Variants in GTF2IRD1 observed in about 807,000 individuals in gnomAD.
GTF2IRD1 encodes general transcription factor II-I repeat domain-containing protein 1.
Under a neutral mutation model 113.2 loss-of-function variants are expected in GTF2IRD1, and 26 were observed. That is an observed-to-expected ratio of 0.23 (90% CI 0.17 to 0.32). The LOEUF (loss-of-function observed/expected upper bound fraction) is 0.32. Ranked by LOEUF, GTF2IRD1 falls within the 10% of genes least tolerant of loss-of-function variation. The pLI is 1.00. For missense variants in GTF2IRD1, 864 were observed against 1,280.8 expected (o/e 0.67, Z 4.97); for synonymous variants, 484 against 529.1 (o/e 0.91, Z 1.17).
intron 22 of GTF2IRD1, among the ~76,000 whole-genome samples, chr7:74,575,076 GCGAAACTC>G (rs1294067231): frequency 1.4e-5 from 2 of 142,748 alleles, no homozygotes; most frequent in African/African-American, 5.3e-5. Flanking sequence ...GGCAACAAGA[GCGAAACTC>G]CGTCTCAAAA....
At chr7:74,473,312 G>A (rs527840788) in intron 1 of GTF2IRD1, among the ~76,000 whole-genome samples, 21 of 152,332 alleles carry the variant, frequency 1.4e-4, no homozygotes, top group East Asian at 3.9e-4. Flanking sequence ...TCTCAGGGAC[G>A]TAGTCCCGCC....
At chr7:74,466,148 C>T (rs1793691768) in intron 1 of GTF2IRD1, among the ~76,000 whole-genome samples, 1 of 152,200 alleles carries the variant, frequency 6.6e-6, no homozygotes, top group African/African-American at 2.4e-5. Flanking sequence ...GCCTGCCGAC[C>T]CCTTAGCCCC....
chr7:74,485,945 A>G (rs1794998639), intron 1 of GTF2IRD1, among the ~76,000 whole-genome samples: 1 of 151,752 alleles, frequency 6.6e-6, no homozygotes, highest in Admixed American at 6.6e-5. Flanking sequence ...AGAAGAAGAA[A>G]GAAAAGAAAA....
In GTF2IRD1 at chr7:74,601,570, T is replaced by C. The variant is rs184601120; in HGVS notation, c.2766+390T>C. 1,091 of 1,007,112 alleles carry C rather than the reference T, an allele frequency of 1.1e-3. 12 individuals are homozygous for C. In the African/African-American group the frequency reaches 0.016, roughly 15 times the overall value. The allele number at this position is 1,007,112 out of a possible 1,614,324, so 62.4% of individuals were successfully genotyped here. A position where few individuals can be genotyped will look rare whatever the true frequency, so the allele number is the denominator to read the frequency against. On this transcript the variant is annotated intron_variant, in intron 26 of 26. Coordinates refer to ENST00000424337, the MANE Select transcript of GTF2IRD1 (RefSeq NM_005685.4). Reference sequence around the variant, plus strand: ...GGTGGATCACCTGAGGTCAGGAGTTTGAGACCAGGCTGACCAACACGGGGA... The same window carrying C: ...GGTGGATCACCTGAGGTCAGGAGTTCGAGACCAGGCTGACCAACACGGGGA...
At position 74,542,093 on chromosome 7, in the gene GTF2IRD1, C is replaced by T. The variant is rs113813845; in HGVS notation, c.1618+2125C>T. ...TCTGGGTGCCACAGCAAGACACCATCTCAAAAAAAAAAAACAAAAATAGGC... is the reference window on the plus strand; with the variant it reads ...TCTGGGTGCCACAGCAAGACACCATTTCAAAAAAAAAAAACAAAAATAGGC... On this transcript the variant is annotated intron_variant, in intron 14 of 26. Transcript: ENST00000424337. Among the ~76,000 whole-genome samples the T allele has an allele frequency of 2.4e-4, 36 of 148,502 alleles. 1 individual carries two copies. The highest frequency in any genetic ancestry group is 7.9e-4 in the African/African-American group (32 of 40,428).
intron 19 of GTF2IRD1, among the ~76,000 whole-genome samples, chr7:74,556,790 A>ATTTTTTTTT (rs587648610): frequency 6.0e-4 from 79 of 132,706 alleles, no homozygotes; most frequent in Non-Finnish European, 7.5e-4. Context: ...TGCCTGGCTA[A>ATTTTTTTTT]TTTTTGTATT....
Position 74,518,212 on chromosome 7 carries a change from C to T in GTF2IRD1, c.495C>T (p.Ala165=), listed in dbSNP as rs782037332. ...TGCTCAGGGAGCCAGGGCTGCTGGCCGTGCAGGGGCTGCCCGAAGGCCTGG... is the reference window on the plus strand; with the variant it reads ...TGCTCAGGGAGCCAGGGCTGCTGGCTGTGCAGGGGCTGCCCGAAGGCCTGG... The part of the protein sequence containing the change: ...ERLLREPGLL[A]VQGLPEGLAF... Residue 165 remains alanine, a synonymous_variant, in exon 5 of 27, where the codon GCC becomes GCT. Coordinates refer to ENST00000424337, the MANE Select transcript of GTF2IRD1 (RefSeq NM_005685.4). 13 of 1,611,004 alleles carry T rather than the reference C, an allele frequency of 8.1e-6. No individual in the cohort carries two copies. Among genetic ancestry groups the T allele is most frequent in the African/African-American group, 2.7e-5 (2 of 74,900 alleles).
chr7:74,500,439 GAA>G, intron 1 of GTF2IRD1, among the ~76,000 whole-genome samples: 1 of 149,030 alleles, frequency 6.7e-6, no homozygotes, highest in African/African-American at 2.5e-5. Context: ...AAAAAAAAAA[GAA>G]AAAAAATTTG....
intron 7 of GTF2IRD1, among the ~76,000 whole-genome samples, chr7:74,522,659 G>A (rs1295441306): frequency 1.3e-5 from 2 of 152,212 alleles, no homozygotes; most frequent in African/African-American, 4.8e-5. Flanking sequence ...GAGGAGATGT[G>A]AATGTCCAGA....
chr7:74,476,117 G>A (rs1794390968), intron 1 of GTF2IRD1, among the ~76,000 whole-genome samples: 1 of 152,182 alleles, frequency 6.6e-6, no homozygotes, highest in African/African-American at 2.4e-5. Context: ...CTATTTTGCA[G>A]TTGGATGGTG....
chr7:74,528,842 G>GATGGATGA (rs1797773006), intron 8 of GTF2IRD1, among the ~76,000 whole-genome samples: 2 of 146,268 alleles, frequency 1.4e-5, no homozygotes, highest in African/African-American at 5.1e-5. Context: ...TGGATGGATG[G>GATGGATGA]ATGAAAGGAT....
At chr7:74,549,261 C>T (rs1554354235) in intron 17 of GTF2IRD1, among the ~76,000 whole-genome samples, 3 of 150,228 alleles carry the variant, frequency 2.0e-5, no homozygotes. Flanking sequence ...TGAGATCGTA[C>T]CACGACACTC....
chr7:74,509,122 C>T (rs1796472138), intron 2 of GTF2IRD1, among the ~76,000 whole-genome samples: 2 of 151,986 alleles, frequency 1.3e-5, no homozygotes, highest in South Asian at 2.1e-4. Context: ...TTTTAGGGGC[C>T]GAGGCGGGTG....
intron 16 of GTF2IRD1, among the ~76,000 whole-genome samples, chr7:74,546,244 C>T (rs146417782): frequency 0.074 from 8,641 of 117,510 alleles, 352 homozygotes; most frequent in Admixed American, 0.11. Context: ...TTTTTTGAGG[C>T]GGAGTCTCAC....
intron 24 of GTF2IRD1, among the ~76,000 whole-genome samples, 170 bp from the exon 25 acceptor site, chr7:74,594,844 C>G (rs1235445926): frequency 6.6e-6 from 1 of 151,628 alleles, no homozygotes; most frequent in African/African-American, 2.4e-5. Flanking sequence ...CCCAGCTACT[C>G]GGGAGGCTGA....
intron 8 of GTF2IRD1, among the ~76,000 whole-genome samples, chr7:74,528,732 TG>T (rs1210870846): frequency 7.4e-6 from 1 of 134,244 alleles, no homozygotes; most frequent in Non-Finnish European, 1.6e-5. Context: ...GATGGATGGA[TG>T]GATGGATGGA....
rs35170472 is a variant in GTF2IRD1, at chr7:74,579,620, GAA to G, written c.2321-10216_2321-10215del. Among the ~76,000 whole-genome samples, 208 of 134,390 alleles carry G rather than the reference GAA, an allele frequency of 1.5e-3. 1 individual carries two copies. The highest frequency in any genetic ancestry group is 0.01 in the South Asian group (42 of 4,054). The allele number at this position is 134,390 out of a possible 152,430, so 88.2% of individuals were successfully genotyped here. Reference sequence around the variant, plus strand: ...GCGACAGAGCAAGACTCCATCTTAAGAAAAAAAAAAAAAAAACTACAGTTCCC... The same window carrying G: ...GCGACAGAGCAAGACTCCATCTTAAGAAAAAAAAAAAAAACTACAGTTCCC... On this transcript the variant is annotated intron_variant, in intron 22 of 26. Transcript: ENST00000424337.
chr7:74,597,338 G>A (rs1264636787), intron 25 of GTF2IRD1, among the ~76,000 whole-genome samples: 1 of 148,056 alleles, frequency 6.8e-6, no homozygotes. Context: ...CACTGCTACC[G>A]GCCTTTTTTT....
Position 74,544,761 on chromosome 7 carries a change from G to A in GTF2IRD1, c.1625G>A (p.Gly542Asp), listed in dbSNP as rs1554352711. Residue 542 changes from glycine to aspartate, a missense_variant, in exon 15 of 27, where the codon GGT becomes GAT. Around this residue, in one of 7 missense-constraint regions of GTF2IRD1, gnomAD observed 218 missense variants for 352.6 expected, o/e 0.62. Coordinates refer to ENST00000424337, the MANE Select transcript of GTF2IRD1 (RefSeq NM_005685.4). ...GYGMEMLTDK[G>D]LSEDARPEER... The stretch of plus-strand genomic sequence containing the variant: ...ATCCTCTGTTCTCTTTTAGACAAAG[G>A]TCTGAGTGAGGACGCGCGGCCCGAG... 1.2e-6 allele frequency: 2 copies of A among 1,613,958 alleles called. No individual in the cohort carries two copies. Among genetic ancestry groups the A allele is most frequent in the Admixed American group, 1.7e-5 (1 of 60,022 alleles).
Sources: gnomAD v4.1 joint callset for allele counts (sites outside exome capture counted in the v4.1 genomes callset) on GRCh38, gnomAD v4.1.1 for gene constraint, gnomAD v4.1.1 regional missense constraint, MANE v1.5 for transcripts, NCBI Gene and HGNC (gene_info 2026-07-23, HGNC 2026-07-21) for gene names.